PACRG: variants seen among roughly 807,000 people sequenced by gnomAD.
The protein encoded by PACRG is parkin coregulated.
Under a neutral mutation model 29.7 loss-of-function variants are expected in PACRG, and 29 were observed. That is an observed-to-expected ratio of 0.98 (90% CI 0.73 to 1.33). The LOEUF (loss-of-function observed/expected upper bound fraction) is 1.33, where lower values mean the gene tolerates loss of function less well. Among genes scored for constraint, PACRG ranks in the 40% most tolerant of loss-of-function variants. PACRG has a pLI of 0.00. For synonymous variants in PACRG, 116 were observed against 118.7 expected (o/e 0.98, Z 0.15); for missense variants, 279 against 316.2 (o/e 0.88, Z 0.89).
intron 2 of PACRG, among the ~76,000 whole-genome samples, chr6:162,957,096 T>A (rs1005165040): frequency 6.7e-6 from 1 of 149,610 alleles, no homozygotes; most frequent in African/African-American, 2.5e-5. Context: ...GGCAGTAGAG[T>A]GAGACAGACT....
At chr6:162,918,714 C>T (rs1026833979) in intron 2 of PACRG, among the ~76,000 whole-genome samples, 1 of 152,124 alleles carries the variant, frequency 6.6e-6, no homozygotes, top group Non-Finnish European at 1.5e-5. Flanking sequence ...GAATATAATA[C>T]AAAATGTTCA....
At chr6:162,906,849 T>C (rs1333716289) in intron 2 of PACRG, among the ~76,000 whole-genome samples, 1 of 152,190 alleles carries the variant, frequency 6.6e-6, no homozygotes, top group Non-Finnish European at 1.5e-5. Flanking sequence ...TCGTATACCT[T>C]GTATATCAGA....
intron 2 of PACRG, among the ~76,000 whole-genome samples, chr6:163,019,735 C>T (rs1021616635): frequency 1.1e-4 from 17 of 152,158 alleles, no homozygotes; most frequent in African/African-American, 3.4e-4. Flanking sequence ...ACCTTGCACA[C>T]AATTTCGATG....
At chr6:162,972,477 T>C (rs1326134215) in intron 2 of PACRG, among the ~76,000 whole-genome samples, 3 of 152,162 alleles carry the variant, frequency 2.0e-5, no homozygotes, top group Non-Finnish European at 4.4e-5. Flanking sequence ...AGCAGTGCCC[T>C]CTCTATTAAG....
chr6:163,277,037 T>C (rs1784052274), intron 4 of PACRG, among the ~76,000 whole-genome samples: 1 of 152,226 alleles, frequency 6.6e-6, no homozygotes. Context: ...AGTATGCATG[T>C]TTTTAAAATC....
intron 2 of PACRG, among the ~76,000 whole-genome samples, chr6:162,957,761 C>A (rs1283336178): frequency 6.6e-6 from 1 of 151,944 alleles, no homozygotes; most frequent in Admixed American, 6.6e-5. Context: ...CGAATTTAAT[C>A]TGAGTTAGGA....
At chr6:162,963,741 G>A (rs1287948797) in intron 2 of PACRG, among the ~76,000 whole-genome samples, 1 of 142,836 alleles carries the variant, frequency 7.0e-6, no homozygotes, top group African/African-American at 2.9e-5. Flanking sequence ...TAAAATAATT[G>A]TTACTGACCT....
chr6:163,091,989 C>T (rs919969462), intron 4 of PACRG, among the ~76,000 whole-genome samples: 4 of 152,116 alleles, frequency 2.6e-5, no homozygotes, highest in African/African-American at 4.8e-5. Flanking sequence ...TGCACATTTC[C>T]GTATTCCTCT....
intron 1 of PACRG, among the ~76,000 whole-genome samples, chr6:162,787,578 G>GTATC (rs1408657404): frequency 2.1e-4 from 11 of 51,452 alleles, no homozygotes; most frequent in East Asian, 8.0e-4. Flanking sequence ...GTGTGTGTGT[G>GTATC]TGTGTATATA....
At chr6:162,961,705 C>A (rs966955376) in intron 2 of PACRG, among the ~76,000 whole-genome samples, 5 of 152,138 alleles carry the variant, frequency 3.3e-5, no homozygotes, top group African/African-American at 1.2e-4. Flanking sequence ...TAGTGTCCAC[C>A]TTCTCCTCCA....
At chr6:163,296,551 C>T (rs1784784833) in intron 4 of PACRG, among the ~76,000 whole-genome samples, 1 of 152,192 alleles carries the variant, frequency 6.6e-6, no homozygotes, top group African/African-American at 2.4e-5. Flanking sequence ...CCTCGGCCTC[C>T]AAAAGTGCTG....
intron 4 of PACRG, among the ~76,000 whole-genome samples, chr6:163,284,678 G>C (rs1457651081): frequency 6.6e-6 from 1 of 152,076 alleles, no homozygotes; most frequent in African/African-American, 2.4e-5. Flanking sequence ...TTGAGTTCTG[G>C]ATGTCCAGAG....
intron 2 of PACRG, among the ~76,000 whole-genome samples, chr6:162,952,908 T>C (rs1245807361): frequency 1.3e-5 from 2 of 152,124 alleles, no homozygotes; most frequent in African/African-American, 2.4e-5. Flanking sequence ...TATCTACTGA[T>C]AAATATGTGA....
At chr6:163,118,513 T>C (rs1039362598) in intron 4 of PACRG, among the ~76,000 whole-genome samples, 1 of 152,208 alleles carries the variant, frequency 6.6e-6, no homozygotes. Context: ...TATTTATAGA[T>C]CCCCGTTTCT....
intron 2 of PACRG, among the ~76,000 whole-genome samples, chr6:162,828,720 A>C (rs917208175): frequency 2.0e-5 from 3 of 152,210 alleles, no homozygotes; most frequent in African/African-American, 7.2e-5. Flanking sequence ...TGTGTAGGCT[A>C]TTTGGTAATA....
intron 1 of PACRG, among the ~76,000 whole-genome samples, chr6:162,734,431 C>T (rs1050021909): frequency 6.6e-6 from 1 of 150,564 alleles, no homozygotes; most frequent in African/African-American, 2.4e-5. Context: ...TTACATTACC[C>T]TTTATATACT....
intron 3 of PACRG, among the ~76,000 whole-genome samples, chr6:163,066,527 T>A (rs552236507): frequency 1.3e-5 from 2 of 152,280 alleles, no homozygotes; most frequent in South Asian, 4.1e-4. Context: ...ACATGAAGTG[T>A]TGAATCATAA....
intron 4 of PACRG, among the ~76,000 whole-genome samples, chr6:163,131,315 CAAAAAAAAAAAAA>C (rs55958953): frequency 0.69 from 94,163 of 137,104 alleles, 30,867 homozygotes; most frequent in Non-Finnish European, 0.73. Flanking sequence ...CTGTCTCAAA[CAAAAAAAAAAAAA>C]AAAAAAAAAG....
intron 2 of PACRG, among the ~76,000 whole-genome samples, chr6:162,978,132 A>C (rs1177229857): frequency 7.4e-6 from 1 of 135,704 alleles, no homozygotes; most frequent in African/African-American, 2.9e-5. Context: ...TGACAGAGTG[A>C]GACTCCATCT....
Sources: allele counts gnomAD v4.1 joint callset (sites outside exome capture counted in the v4.1 genomes callset), GRCh38; gene constraint gnomAD v4.1.1; transcripts MANE v1.5; gene names NCBI Gene and HGNC (gene_info 2026-07-23, HGNC 2026-07-21).